MAN1A1: variants seen among roughly 807,000 people sequenced by gnomAD.
The protein encoded by MAN1A1 is mannosidase alpha class 1A member 1, also known as mannosyl-oligosaccharide 1,2-alpha-mannosidase IA.
Under a neutral mutation model 70.8 loss-of-function variants are expected in MAN1A1, and 29 were observed. The ratio of observed to expected loss-of-function variants is 0.41; its 90% CI spans 0.31 to 0.56. MAN1A1 has a LOEUF of 0.56. Ranked by LOEUF, MAN1A1 falls within the 20% of genes least tolerant of loss-of-function variation. The probability of loss-of-function intolerance (pLI) is 0.29; values close to 1 mark genes in which losing one functional copy is unlikely to be tolerated. For synonymous variants in MAN1A1, 349 were observed against 330.1 expected (o/e 1.06, Z -0.62); for missense variants, 747 against 841.3 (o/e 0.89, Z 1.39).
Position 119,320,633 on chromosome 6 carries a change from A to AC in MAN1A1, c.604-13642_604-13641insG, listed in dbSNP as rs200507446. 6.5e-3 allele frequency among the ~76,000 whole-genome samples: 957 copies of AC among 146,938 alleles called. 6 individuals are homozygous for AC. Among genetic ancestry groups the AC allele is most frequent in the African/African-American group, 0.022 (906 of 40,794 alleles). ...GGGAAGGCACAAACGGTTAAAAACA[A>AC]AAAAAAAAAGAGGTATGTGGTCGGG... On this transcript the variant is annotated intron_variant, in intron 2 of 12. Coordinates refer to ENST00000368468, the MANE Select transcript of MAN1A1 (RefSeq NM_005907.4).
intron 2 of MAN1A1, among the ~76,000 whole-genome samples, chr6:119,323,682 T>C (rs1773077611): frequency 6.6e-6 from 1 of 152,168 alleles, no homozygotes; most frequent in Non-Finnish European, 1.5e-5. Context: ...CATGCAAGTG[T>C]TGATGATTAA....
chr6:119,297,198 T>C (rs921917712), intron 4 of MAN1A1, among the ~76,000 whole-genome samples: 2 of 152,166 alleles, frequency 1.3e-5, no homozygotes, highest in Non-Finnish European at 2.9e-5. Context: ...TACAAATCTG[T>C]TCTGGAAATA....
chr6:119,348,939 C>G lies in MAN1A1; in HGVS notation c.127G>C (p.Val43Leu). 5 of 1,532,624 alleles carry G rather than the reference C, an allele frequency of 3.3e-6. No individual in the cohort carries two copies. Among genetic ancestry groups the G allele is most frequent in the Non-Finnish European group, 4.4e-6 (5 of 1,139,870 alleles). 94.9% of individuals were successfully genotyped at this position (1,532,624 alleles called of 1,614,324 possible). A position where few individuals can be genotyped will look rare whatever the true frequency, so the allele number is the denominator to read the frequency against. ...AAGGCGCTGAATACCAGCAGCAGCA[C>G]GAACTTCTCCGTCAGGCGGAGGGCG... ...PAALRLTEKF[V>L]LLLVFSAFIT... Residue 43 changes from valine (V) to leucine (L), a missense_variant, in exon 2 of 13, where the codon GTG becomes CTG. Physicochemically the swap from Val to Leu is conservative, Grantham distance 32. Coordinates refer to ENST00000368468, the MANE Select transcript of MAN1A1 (RefSeq NM_005907.4).
rs555065222 is a variant in MAN1A1 at position 119,193,297 on chromosome 6, T to C, written c.1326+480A>G. On this transcript the variant is annotated intron_variant, in intron 9 of 12. Transcript: ENST00000368468. ...CACTGTAAAGAATCTTTGATACTAT[T>C]AATGATCTTCCCTGAAATATGAGTT... 1.3e-3 allele frequency among the ~76,000 whole-genome samples: 196 copies of C among 152,316 alleles called. 1 individual carries two copies. Among genetic ancestry groups the C allele is most frequent in the African/African-American group, 4.6e-3 (193 of 41,566 alleles).
intron 2 of MAN1A1, among the ~76,000 whole-genome samples, chr6:119,329,521 A>G (rs574436221): frequency 1.3e-5 from 2 of 151,712 alleles, no homozygotes; most frequent in African/African-American, 4.8e-5. Flanking sequence ...GATCTCTTGT[A>G]TCAGATTCTC....
chr6:119,255,174 A>G lies in MAN1A1; in HGVS notation c.898-6820T>C, dbSNP rs149560107. On this transcript the variant is annotated intron_variant, in intron 5 of 12. Coordinates refer to ENST00000368468, the MANE Select transcript of MAN1A1 (RefSeq NM_005907.4). ...CAAAGAATAAGGAAAAAAGAAATGAATAAGAACAGATGGCTTTGGAAGGAA... is the reference window on the plus strand; with the variant it reads ...CAAAGAATAAGGAAAAAAGAAATGAGTAAGAACAGATGGCTTTGGAAGGAA... 3.2e-3 allele frequency among the ~76,000 whole-genome samples: 485 copies of G among 152,362 alleles called. 1 individual carries two copies. In the Middle Eastern group the frequency reaches 0.034, roughly 11 times the overall value.
rs5879501 is a variant in MAN1A1 at position 119,316,175 on chromosome 6, GTTTTTT to G, written c.604-9189_604-9184del. ...GAGAAAAAGATATTCATTTTTGTGG[GTTTTTT>G]TTTTTTTTTTTTTGAGATGGAGTTT... On this transcript the variant is annotated intron_variant, in intron 2 of 12. Transcript: ENST00000368468. 2.9e-4 allele frequency among the ~76,000 whole-genome samples: 34 copies of G among 116,198 alleles called. No homozygotes were observed. The South Asian group carries it at 3.6e-3, about 12-fold the overall frequency. The allele number at this position is 116,198 out of a possible 152,430, so 76.2% of individuals were successfully genotyped here.
intron 6 of MAN1A1, among the ~76,000 whole-genome samples, chr6:119,240,549 T>TA (rs1774976356): frequency 1.3e-5 from 2 of 151,986 alleles, no homozygotes; most frequent in South Asian, 2.1e-4. Context: ...CTTCAGAGAA[T>TA]AAAAAACACT....
chr6:119,226,269 A>T (rs532411010), intron 6 of MAN1A1, among the ~76,000 whole-genome samples: 20 of 152,352 alleles, frequency 1.3e-4, no homozygotes, highest in African/African-American at 4.8e-4. Context: ...AACAGCAGGC[A>T]GCATGAGCTT....
chr6:119,330,993 G>A (rs1016847850), intron 2 of MAN1A1, among the ~76,000 whole-genome samples: 2 of 152,094 alleles, frequency 1.3e-5, no homozygotes, highest in African/African-American at 2.4e-5. Flanking sequence ...CTTGTTTACT[G>A]TCATCTCTCC....
chr6:119,267,915 T>C (rs1775804147), intron 5 of MAN1A1, among the ~76,000 whole-genome samples: 1 of 152,230 alleles, frequency 6.6e-6, no homozygotes, highest in South Asian at 2.1e-4. Context: ...ACTTATTCTA[T>C]GGGTTCCTGA....
At chr6:119,260,146 C>T (rs1472236028) in intron 5 of MAN1A1, among the ~76,000 whole-genome samples, 2 of 152,168 alleles carry the variant, frequency 1.3e-5, no homozygotes, top group East Asian at 1.9e-4. Context: ...TTACTAGTCA[C>T]ATACTCTGTC....
intron 2 of MAN1A1, among the ~76,000 whole-genome samples, chr6:119,313,809 G>A (rs1283572691): frequency 1.3e-5 from 2 of 152,024 alleles, no homozygotes; most frequent in African/African-American, 2.4e-5. Flanking sequence ...CTGTTCTGTG[G>A]TAGGCTCGAA....
At chr6:119,293,355 G>T (rs1772102037) in intron 4 of MAN1A1, among the ~76,000 whole-genome samples, 1 of 152,018 alleles carries the variant, frequency 6.6e-6, no homozygotes, top group South Asian at 2.1e-4. Context: ...GTACGATATT[G>T]AGAAATGACC....
intron 4 of MAN1A1, among the ~76,000 whole-genome samples, chr6:119,296,460 C>T (rs549070530): frequency 4.6e-5 from 7 of 152,250 alleles, no homozygotes; most frequent in South Asian, 2.1e-4. Flanking sequence ...TAGTTATCTG[C>T]GCCCATCAGG....
At chr6:119,277,936 C>CAAAAA (rs58837799) in intron 5 of MAN1A1, among the ~76,000 whole-genome samples, 75 of 23,146 alleles carry the variant, frequency 3.2e-3, no homozygotes, top group East Asian at 8.4e-3. Context: ...GACTCCATCT[C>CAAAAA]AAAAAAAAAA....
chr6:119,203,065 C>G (rs1773760520), intron 7 of MAN1A1, among the ~76,000 whole-genome samples: 1 of 152,174 alleles, frequency 6.6e-6, no homozygotes, highest in African/African-American at 2.4e-5. Flanking sequence ...CAGTTCTCGT[C>G]ATCTACAAGC....
chr6:119,250,147 A>T (rs1324608808), intron 5 of MAN1A1, among the ~76,000 whole-genome samples: 1 of 152,172 alleles, frequency 6.6e-6, no homozygotes, highest in African/African-American at 2.4e-5. Flanking sequence ...GAGAAATTTC[A>T]TGTTGTCTTC....
At chr6:119,259,846 A>C (rs1208978237) in intron 5 of MAN1A1, among the ~76,000 whole-genome samples, 1 of 152,152 alleles carries the variant, frequency 6.6e-6, no homozygotes, top group African/African-American at 2.4e-5. Context: ...GCCAATATTA[A>C]ATTTTTATTT....
Sources: allele counts gnomAD v4.1 joint callset (sites outside exome capture counted in the v4.1 genomes callset), GRCh38; gene constraint gnomAD v4.1.1; transcripts MANE v1.5; gene names NCBI Gene and HGNC (gene_info 2026-07-23, HGNC 2026-07-21).